Variants in LMBR1 observed in about 807,000 individuals in gnomAD.
The protein encoded by LMBR1 is limb development membrane protein 1.
Under a neutral mutation model 73.9 loss-of-function variants are expected in LMBR1, and 52 were observed. The ratio of observed to expected loss-of-function variants is 0.70; its 90% confidence interval spans 0.56 to 0.89. The LOEUF (loss-of-function observed/expected upper bound fraction) is 0.89, where lower values mean the gene tolerates loss of function less well. Ranked by LOEUF, LMBR1 falls within the 40% of genes least tolerant of loss-of-function variation. LMBR1 has a pLI of 0.00. For synonymous variants in LMBR1, 215 were observed against 209.4 expected (o/e 1.03, Z -0.23); for missense variants, 539 against 579.8 (o/e 0.93, Z 0.72).
At chr7:156,804,894 TA>T (rs1386732701) in intron 4 of LMBR1, among the ~76,000 whole-genome samples, 1 of 152,170 alleles carries the variant, frequency 6.6e-6, no homozygotes, top group East Asian at 1.9e-4. Context: ...CTATCCTACC[TA>T]AAAAATTATG....
intron 10 of LMBR1, among the ~76,000 whole-genome samples, chr7:156,730,065 A>G (rs1404389936): frequency 6.6e-6 from 1 of 152,214 alleles, no homozygotes; most frequent in East Asian, 1.9e-4. Flanking sequence ...TGAGAAATCA[A>G]TGGGTAAAAG....
chr7:156,839,420 A>G (rs1286161098), intron 1 of LMBR1, among the ~76,000 whole-genome samples: 3 of 152,190 alleles, frequency 2.0e-5, no homozygotes, highest in Admixed American at 6.5e-5. Context: ...TGCCAGACCG[A>G]CAAAAAAGGA....
chr7:156,670,261 C>G lies in LMBR1; in HGVS notation n.867-974G>C, dbSNP rs1802183474. On this transcript the variant is annotated intron_variant and non_coding_transcript_variant, in intron 4 of 4. Coordinates refer to the LMBR1 transcript ENST00000430825. This position sits in a 1 kb window ranked among gnomAD's most constrained non-coding sequence, Gnocchi z 4.3. ...AGCTGGATGCTAAGCACGGCTGGCT[C>G]TACTGTTTTGACTTTGGCTCTTGAT... Among the ~76,000 whole-genome samples the G allele has an allele frequency of 6.6e-6, 1 of 152,186 alleles. No homozygotes were observed. The highest frequency in any genetic ancestry group is 2.1e-4 in the South Asian group (1 of 4,830).
chr7:156,837,910 C>T (rs550971143), intron 1 of LMBR1, among the ~76,000 whole-genome samples: 2 of 151,698 alleles, frequency 1.3e-5, no homozygotes, highest in South Asian at 2.1e-4. Flanking sequence ...TCTCAGCCTG[C>T]CGAGTAACTG....
chr7:156,683,201 T>A lies in LMBR1; in HGVS notation c.*877A>T, dbSNP rs918085477. 1 of 152,202 alleles carries A rather than the reference T, an allele frequency of 6.6e-6. No homozygotes were observed. The highest frequency in any genetic ancestry group is 1.5e-5 in the Non-Finnish European group (1 of 68,032). 9.4% of individuals were successfully genotyped at this position (152,202 alleles called of 1,614,324 possible). ...TCGGCATTTATAGTTTTTATATGCA[T>A]TGCAGAAGCATGGGGAATTAAGTGA... On this transcript the variant is annotated 3_prime_UTR_variant, in exon 17 of 17. Transcript: ENST00000353442.
intron 15 of LMBR1, among the ~76,000 whole-genome samples, chr7:156,712,131 A>G (rs1020819831): frequency 1.3e-5 from 2 of 152,254 alleles, no homozygotes; most frequent in Non-Finnish European, 2.9e-5. Flanking sequence ...ATTTACAAGG[A>G]ATGCAAACAA....
rs1447191766 is a variant in LMBR1 at position 156,856,684 on chromosome 7, C to T, written c.67-19799G>A. ...TCACACCACTGCACTCCAGCCTAGG[C>T]GACAGAGTGAGACTCCATCTCAAAC... is the stretch of plus-strand genomic sequence containing the variant. On this transcript the variant is annotated intron_variant, in intron 1 of 16. Transcript: ENST00000353442. Among the ~76,000 whole-genome samples the T allele has an allele frequency of 3.3e-5, 5 of 149,912 alleles. No individual in the cohort carries two copies. In the East Asian group the frequency reaches 5.9e-4, roughly 18 times the overall value.
Position 156,679,489 on chromosome 7 carries a change from G to C in LMBR1, c.*4589C>G, listed in dbSNP as rs1187175189. 1 of 149,340 alleles carries C rather than the reference G, an allele frequency of 6.7e-6. No individual in the cohort carries two copies. The highest frequency in any genetic ancestry group is 1.5e-5 in the Non-Finnish European group (1 of 67,546). 9.3% of individuals were successfully genotyped at this position (149,340 alleles called of 1,614,324 possible). On this transcript the variant is annotated 3_prime_UTR_variant, in exon 17 of 17. Transcript: ENST00000353442. ...TTCAAGATGCTGTTAAAGAGAAGTT[G>C]CAGAATCAATATAAATAGCTACAGC... is the stretch of plus-strand genomic sequence containing the variant.
At chr7:156,810,329 T>C (rs538088847) in intron 4 of LMBR1, among the ~76,000 whole-genome samples, 1 of 152,302 alleles carries the variant, frequency 6.6e-6, no homozygotes, top group South Asian at 2.1e-4. Context: ...CATCTATTCT[T>C]GGGGGATCTG....
At position 156,680,369 on chromosome 7, in the gene LMBR1, T is replaced by TGAGAGAGAGAGAGA. The variant is rs1427653790; in HGVS notation, c.*3708_*3709insTCTCTCTCTCTCTC. Reference sequence around the variant, plus strand: ...TGTTAAATTTTTGCTTATACGTATCTGAGAGACAGAGAGAGAGAGAGAGAG... The same window carrying TGAGAGAGAGAGAGA: ...TGTTAAATTTTTGCTTATACGTATCTGAGAGAGAGAGAGAGAGAGACAGAGAGAGAGAGAGAGAG... On this transcript the variant is annotated 3_prime_UTR_variant, in exon 17 of 17. Coordinates refer to ENST00000353442, the MANE Select transcript of LMBR1 (RefSeq NM_022458.4). The TGAGAGAGAGAGAGA allele has an allele frequency of 1.4e-4, 11 of 77,266 alleles. No homozygotes were observed. The highest frequency in any genetic ancestry group is 1.6e-4 in the Non-Finnish European group (6 of 37,446). 4.8% of individuals were successfully genotyped at this position (77,266 alleles called of 1,614,324 possible).
chr7:156,778,922 C>T (rs1245014036), intron 5 of LMBR1, among the ~76,000 whole-genome samples: 4 of 152,116 alleles, frequency 2.6e-5, no homozygotes, highest in African/African-American at 9.7e-5. Context: ...TAGAAAGCCC[C>T]GAGGGGAAGC....
intron 1 of LMBR1, among the ~76,000 whole-genome samples, chr7:156,864,247 T>A (rs1272592374): frequency 6.6e-6 from 1 of 152,142 alleles, no homozygotes; most frequent in Non-Finnish European, 1.5e-5. Flanking sequence ...CCAAAAAAGG[T>A]TGGTTTCATA....
chr7:156,825,010 T>C (rs1186359167), intron 4 of LMBR1, among the ~76,000 whole-genome samples: 1 of 152,200 alleles, frequency 6.6e-6, no homozygotes, highest in African/African-American at 2.4e-5. Flanking sequence ...AAGCAAGTTA[T>C]TCCATTTCTT....
intron 15 of LMBR1, among the ~76,000 whole-genome samples, chr7:156,698,683 C>T (rs905529188): frequency 1.3e-5 from 2 of 152,192 alleles, no homozygotes; most frequent in Non-Finnish European, 2.9e-5. Flanking sequence ...CCCTAGACTG[C>T]ATACAGCAGA....
chr7:156,847,439 C>A (rs1469346752), intron 1 of LMBR1, among the ~76,000 whole-genome samples: 1 of 152,136 alleles, frequency 6.6e-6, no homozygotes, highest in African/African-American at 2.4e-5. Context: ...AATTGATAAG[C>A]TAGACTTTAC....
In LMBR1 at chr7:156,793,644, A is replaced by G. The variant is rs1015890574; in HGVS notation, c.423+2745T>C. 2.6e-5 allele frequency among the ~76,000 whole-genome samples: 4 copies of G among 152,230 alleles called. 1 individual carries two copies. Among genetic ancestry groups the G allele is most frequent in the Non-Finnish European group, 5.9e-5 (4 of 68,044 alleles). ...TTGCTTTCTGAGGCTCATATTTTATAGAATATTTAGTGATAATAAGTATTC... is the reference window on the plus strand; with the variant it reads ...TTGCTTTCTGAGGCTCATATTTTATGGAATATTTAGTGATAATAAGTATTC... On this transcript the variant is annotated intron_variant, in intron 5 of 16. Transcript: ENST00000353442.
At chr7:156,799,474 C>A (rs895171274) in intron 4 of LMBR1, among the ~76,000 whole-genome samples, 1 of 152,206 alleles carries the variant, frequency 6.6e-6, no homozygotes, top group South Asian at 2.1e-4. Context: ...TGTTTGGGGG[C>A]GCTGCAAATT....
intron 15 of LMBR1, among the ~76,000 whole-genome samples, chr7:156,719,123 T>TC (rs373665026): frequency 0.022 from 3,048 of 135,642 alleles, 147 homozygotes; most frequent in African/African-American, 0.081. Context: ...CCTAATGCTA[T>TC]CCCCCCCCTC....
rs148696015 is a variant in LMBR1, at chr7:156,794,135, T to C, written c.423+2254A>G. On this transcript the variant is annotated intron_variant, in intron 5 of 16. Coordinates refer to ENST00000353442, the MANE Select transcript of LMBR1 (RefSeq NM_022458.4). ...ACCTTCTGCTGTGTTTGGGAATTAA[T>C]TGGATTCATAGTTGCCTGTATCCTA... Among the ~76,000 whole-genome samples, 62 of 152,342 alleles carry C rather than the reference T, an allele frequency of 4.1e-4. No homozygotes were observed. The East Asian group carries it at 0.01, about 26-fold the overall frequency.
Sources: gnomAD v4.1 joint callset for allele counts (sites outside exome capture counted in the v4.1 genomes callset) on GRCh38, gnomAD v4.1.1 for gene constraint, Gnocchi (gnomAD v3.1) non-coding constraint, MANE v1.5 for transcripts, NCBI Gene and HGNC (gene_info 2026-07-23, HGNC 2026-07-21) for gene names.